Variants in DZIP3 observed in about 807,000 individuals in gnomAD.
DZIP3 encodes the protein E3 ubiquitin-protein ligase DZIP3.
In DZIP3, 118 loss-of-function variants were observed where a neutral mutation model predicts 162.0. That is an observed-to-expected ratio of 0.73 (90% CI 0.63 to 0.85). DZIP3 has a LOEUF of 0.85. Among genes scored for constraint, DZIP3 ranks in the 40% least tolerant of loss-of-function variants. The probability of loss-of-function intolerance (pLI) is 0.00; values close to 1 mark genes in which losing one functional copy is unlikely to be tolerated. For missense variants in DZIP3, 1,331 were observed against 1,407.0 expected, an observed-to-expected ratio of 0.95 and a Z score of 0.86; for synonymous variants, 438 against 458.6, an observed-to-expected ratio of 0.96 and a Z score of 0.57.
At chr3:108,609,992 T>G (rs2107502400) in intron 3 of DZIP3, among the ~76,000 whole-genome samples, 1 of 152,328 alleles carries the variant, frequency 6.6e-6, no homozygotes, top group South Asian at 2.1e-4. Context: ...CTGATATTGG[T>G]CATTCTTTAT....
Position 108,688,868 on chromosome 3 carries a change from A to T in DZIP3, c.3460A>T (p.Asn1154Tyr). 1 of 1,614,194 alleles carries T rather than the reference A, an allele frequency of 6.2e-7. No individual in the cohort carries two copies. The highest frequency in any genetic ancestry group is 1.6e-4 in the Middle Eastern group (1 of 6,062). Residue 1154 changes from asparagine (N) to tyrosine (Y), a missense_variant, in exon 31 of 33, where the codon AAT (asparagine) becomes TAT (tyrosine). Physicochemically the swap from Asn to Tyr is moderately radical, Grantham distance 143. Coordinates refer to ENST00000361582, the MANE Select transcript of DZIP3 (RefSeq NM_014648.4). ...EEEPCVICHENLSPENLSVLP... is the reference protein window; with the variant it reads ...EEEPCVICHEYLSPENLSVLP... Reference sequence around the variant, plus strand: ...AGAGCCTTGTGTGATCTGTCATGAGAATCTGTCTCCAGAAAATCTTTCAGT... The same window carrying T: ...AGAGCCTTGTGTGATCTGTCATGAGTATCTGTCTCCAGAAAATCTTTCAGT...
At chr3:108,661,224 T>G (rs992007479) in intron 19 of DZIP3, among the ~76,000 whole-genome samples, 1 of 152,138 alleles carries the variant, frequency 6.6e-6, no homozygotes, top group Non-Finnish European at 1.5e-5. Flanking sequence ...AGCAAAGACT[T>G]GGAACCAACC....
chr3:108,654,621 C>T (rs1943027310), intron 19 of DZIP3, among the ~76,000 whole-genome samples: 1 of 151,944 alleles, frequency 6.6e-6, no homozygotes, highest in Non-Finnish European at 1.5e-5. Flanking sequence ...AAAAGACTAG[C>T]ATAATCCTAC....
chr3:108,689,752 T>A (rs921074527), intron 31 of DZIP3, among the ~76,000 whole-genome samples: 1 of 152,182 alleles, frequency 6.6e-6, no homozygotes, highest in African/African-American at 2.4e-5. Flanking sequence ...TTATATAGAT[T>A]AAATTCTGGT....
rs930469382 is a variant in DZIP3 at position 108,684,294 on chromosome 3, G to A, written c.2962G>A (p.Val988Ile). 20 of 1,613,164 alleles carry A rather than the reference G, an allele frequency of 1.2e-5. No homozygotes were observed. The highest frequency in any genetic ancestry group is 1.7e-5 in the Admixed American group (1 of 59,896). Residue 988 changes from valine to isoleucine, a missense_variant, in exon 27 of 33, where the codon GTT (valine) becomes ATT (isoleucine). This residue lies in a region of DZIP3 where 1,278 missense variants were observed against 1,317.1 expected (regional missense o/e 0.97). Transcript: ENST00000361582. ...PILTVPQMPAVCPGVVSATGQ... is the reference protein window; with the variant it reads ...PILTVPQMPAICPGVVSATGQ... Reference sequence around the variant, plus strand: ...ACTTACTGTTCCTCAAATGCCTGCAGTTTGCCCGGGAGTCGTCTCTGCAAC... The same window carrying A: ...ACTTACTGTTCCTCAAATGCCTGCAATTTGCCCGGGAGTCGTCTCTGCAAC...
intron 1 of DZIP3, among the ~76,000 whole-genome samples, chr3:108,599,575 A>G (rs1447888448): frequency 6.6e-6 from 1 of 152,210 alleles, no homozygotes; most frequent in Non-Finnish European, 1.5e-5. Flanking sequence ...CATACGAGAA[A>G]TAAAGACTTT....
intron 10 of DZIP3, among the ~76,000 whole-genome samples, chr3:108,635,526 TAATA>T (rs1351933705): frequency 6.8e-6 from 1 of 147,718 alleles, no homozygotes; most frequent in Non-Finnish European, 1.5e-5. Flanking sequence ...ACATTATATA[TAATA>T]GTTATAATTA....
Position 108,644,316 on chromosome 3 carries a change from C to G in DZIP3, c.1294C>G (p.Leu432Val). ...KKELLIHKNVLESYYNHLWTN... is the reference protein window; with the variant it reads ...KKELLIHKNVVESYYNHLWTN... ...AGAGCTTCTTATACACAAGAATGTG[C>G]TGGAATCCTACTACAACCATCTTTG... The change falls in exon 14 of 33, where the codon CTG (leucine) becomes GTG (valine). Residue 432 changes from leucine to valine, a missense_variant. This residue lies in a region of DZIP3 where 1,278 missense variants were observed against 1,317.1 expected (regional missense o/e 0.97). Coordinates refer to ENST00000361582, the MANE Select transcript of DZIP3 (RefSeq NM_014648.4). 1 of 1,614,072 alleles carries G rather than the reference C, an allele frequency of 6.2e-7. No individual in the cohort carries two copies. The highest frequency in any genetic ancestry group is 8.5e-7 in the Non-Finnish European group (1 of 1,179,968).
chr3:108,638,526 C>T (rs1410114002), intron 12 of DZIP3, among the ~76,000 whole-genome samples: 1 of 152,112 alleles, frequency 6.6e-6, no homozygotes, highest in Admixed American at 6.5e-5. Flanking sequence ...ACCATATTAG[C>T]CAGGATGGTC....
intron 2 of DZIP3, 113 bp from the exon 3 acceptor site, chr3:108,607,976 T>C: frequency 2.3e-6 from 2 of 872,640 alleles, no homozygotes; most frequent in East Asian, 2.5e-5. Flanking sequence ...CAGTCTTTGA[T>C]ACATTTTGGT....
chr3:108,595,542 T>C (rs1336372986), intron 1 of DZIP3, among the ~76,000 whole-genome samples: 1 of 152,206 alleles, frequency 6.6e-6, no homozygotes, highest in African/African-American at 2.4e-5. Context: ...GTCTGTACTT[T>C]AGATTTTGCA....
chr3:108,635,988 A>T (rs1942131141), intron 10 of DZIP3, among the ~76,000 whole-genome samples: 1 of 151,862 alleles, frequency 6.6e-6, no homozygotes, highest in Non-Finnish European at 1.5e-5. Flanking sequence ...CCAGAGACTA[A>T]TTTTTTTAAG....
At chr3:108,603,307 A>C (rs1017868527) in intron 1 of DZIP3, 2 of 152,216 alleles carry the variant, frequency 1.3e-5, no homozygotes, top group African/African-American at 4.8e-5. Context: ...CCATAAAAGT[A>C]GTTTGATCAC....
upstream of DZIP3, chr3:108,589,577 G>A (rs1240043969): frequency 2.1e-6 from 1 of 477,746 alleles, no homozygotes. Context: ...GAGGTGATTT[G>A]TGGGTCCAGG....
Position 108,648,067 on chromosome 3 carries a change from A to G in DZIP3, c.1917A>G (p.Ser639=). ...QFAEINKDGT[S]IPSESSTESL... is the part of the protein sequence containing the mutation. ...CAGAAATTAATAAAGATGGGACCTCAATACCCAGTGAATCTTCAACAGAAT... is the reference window on the plus strand; with the variant it reads ...CAGAAATTAATAAAGATGGGACCTCGATACCCAGTGAATCTTCAACAGAAT... Residue 639 remains serine (S), a synonymous_variant, in exon 16 of 33, where the codon TCA becomes TCG. Transcript: ENST00000361582. 1 of 1,609,774 alleles carries G rather than the reference A, an allele frequency of 6.2e-7. No homozygotes were observed. Among genetic ancestry groups the G allele is most frequent in the Non-Finnish European group, 8.5e-7 (1 of 1,178,514 alleles).
intron 21 of DZIP3, among the ~76,000 whole-genome samples, chr3:108,666,704 C>T (rs1375568078): frequency 6.6e-6 from 1 of 152,004 alleles, no homozygotes; most frequent in African/African-American, 2.4e-5. Flanking sequence ...GTTCTCAGGT[C>T]ACAATGGAGT....
chr3:108,639,661 T>G (rs899027998), intron 12 of DZIP3, among the ~76,000 whole-genome samples: 3 of 151,802 alleles, frequency 2.0e-5, no homozygotes, highest in African/African-American at 7.3e-5. Context: ...TTCCTAATGT[T>G]GGCAATTTGT....
intron 13 of DZIP3, 110 bp from the exon 14 acceptor site, chr3:108,644,053 AT>A: frequency 7.5e-7 from 1 of 1,338,074 alleles, no homozygotes. Flanking sequence ...ACTATCCTTC[AT>A]TCTTTTGGAA....
chr3:108,642,253 C>T (rs1041729231), intron 12 of DZIP3, among the ~76,000 whole-genome samples, 185 bp from the exon 13 acceptor site: 2 of 151,058 alleles, frequency 1.3e-5, no homozygotes, highest in South Asian at 2.1e-4. Flanking sequence ...TTGATAATTC[C>T]AATGAAAGTG....
Sources: allele counts gnomAD v4.1 joint callset (sites outside exome capture counted in the v4.1 genomes callset), GRCh38; gene constraint gnomAD v4.1.1; regional missense constraint gnomAD v4.1.1; transcripts MANE v1.5; gene names NCBI Gene and HGNC (gene_info 2026-07-23, HGNC 2026-07-21).